TRAPPC3L: variants seen among roughly 807,000 people sequenced by gnomAD.
TRAPPC3L encodes trafficking protein particle complex subunit 3L, also known as trafficking protein particle complex subunit 3-like protein.
Under a neutral mutation model 23.7 loss-of-function variants are expected in TRAPPC3L, and 23 were observed. The ratio of observed to expected loss-of-function variants is 0.97; its 90% CI spans 0.70 to 1.37. The LOEUF is 1.37. Ranked by LOEUF, TRAPPC3L falls within the 40% of genes most tolerant of loss-of-function variation. The pLI is 0.00. For synonymous variants in TRAPPC3L, 81 were observed against 77.9 expected, an observed-to-expected ratio of 1.04 and a Z score of -0.21; for missense variants, 212 against 216.8, an observed-to-expected ratio of 0.98 and a Z score of 0.14.
At chr6:116,498,098 T>C (rs115756148) in intron 4 of TRAPPC3L, among the ~76,000 whole-genome samples, 66 of 152,338 alleles carry the variant, frequency 4.3e-4, no homozygotes, top group African/African-American at 1.5e-3. Context: ...TAAGTCTTTG[T>C]CAAAATTTAA....
chr6:116,502,900 G>T (rs932280103), intron 3 of TRAPPC3L, among the ~76,000 whole-genome samples: 1 of 152,120 alleles, frequency 6.6e-6, no homozygotes, highest in Non-Finnish European at 1.5e-5. Context: ...AGGAACAACC[G>T]ATACCAGCCA....
chr6:116,507,475 G>A (rs980509747), intron 3 of TRAPPC3L, among the ~76,000 whole-genome samples: 1 of 152,164 alleles, frequency 6.6e-6, no homozygotes, highest in Non-Finnish European at 1.5e-5. Context: ...TCTGAGCAGT[G>A]TGATGAAACC....
intron 4 of TRAPPC3L, among the ~76,000 whole-genome samples, chr6:116,497,638 C>T (rs541900146): frequency 6.6e-6 from 1 of 152,074 alleles, no homozygotes; most frequent in South Asian, 2.1e-4. Context: ...GATACTCAGG[C>T]CTTCTTTTTC....
chr6:116,512,224 G>A, intron 3 of TRAPPC3L: 1 of 1,597,318 alleles, frequency 6.3e-7, no homozygotes, highest in Non-Finnish European at 8.5e-7. Flanking sequence ...TCTCCCTTCA[G>A]GCCCAGTCTC....
Position 116,529,747 on chromosome 6 carries a change from G to T in TRAPPC3L, c.240+10616C>A, listed in dbSNP as rs77491708. Among the ~76,000 whole-genome samples, 768 of 152,306 alleles carry T rather than the reference G, an allele frequency of 5.0e-3. 8 individuals are homozygous for T. Among genetic ancestry groups the T allele is most frequent in the African/African-American group, 0.016 (656 of 41,558 alleles). ...TTGAGAGGACCATCAGCAAAAATCA[G>T]TCTCCACAATATCAGTGAGAGATTT... On this transcript the variant is annotated intron_variant, in intron 3 of 4. Transcript: ENST00000368602.
chr6:116,545,361 G>A, intron 1 of TRAPPC3L, 112 bp downstream of exon 1: 1 of 820,018 alleles, frequency 1.2e-6, no homozygotes, highest in Non-Finnish European at 1.9e-6. Context: ...GCTGAACACT[G>A]TCTTTCCTCC....
rs920621535 is a variant in TRAPPC3L at position 116,496,660 on chromosome 6, T to C, written c.*294A>G. ...TTTTTTTCCCATTACCATACGTGAA[T>C]GGAATGAACAGCTTCTCTGAGGATG... On this transcript the variant is annotated 3_prime_UTR_variant, in exon 5 of 5. Coordinates refer to ENST00000368602, the MANE Select transcript of TRAPPC3L (RefSeq NM_001139444.3). The C allele has an allele frequency of 3.7e-6, 1 of 266,722 alleles. No individual in the cohort carries two copies. 16.5% of individuals were successfully genotyped at this position (266,722 alleles called of 1,614,324 possible). A position where few individuals can be genotyped will look rare whatever the true frequency, so the allele number is the denominator to read the frequency against.
intron 3 of TRAPPC3L, chr6:116,517,877 T>G (rs948102887): frequency 6.6e-6 from 1 of 152,120 alleles, no homozygotes; most frequent in Admixed American, 6.5e-5. Flanking sequence ...GATAATGATT[T>G]AATCAATCAT....
intron 2 of TRAPPC3L, among the ~76,000 whole-genome samples, chr6:116,541,682 T>A (rs773790725): frequency 7.2e-5 from 11 of 152,190 alleles, no homozygotes; most frequent in Non-Finnish European, 1.5e-4. Flanking sequence ...CTTTTAACAA[T>A]CAAAATGTCT....
At chr6:116,544,828 A>G (rs529507911) in intron 1 of TRAPPC3L, among the ~76,000 whole-genome samples, 92 of 152,236 alleles carry the variant, frequency 6.0e-4, no homozygotes, top group African/African-American at 2.2e-3. Flanking sequence ...AATGCCCATC[A>G]GTCTCCTGAC....
chr6:116,526,276 T>C (rs932680282), intron 3 of TRAPPC3L, among the ~76,000 whole-genome samples: 2 of 152,242 alleles, frequency 1.3e-5, no homozygotes, highest in Non-Finnish European at 1.5e-5. Context: ...GGATTTTTAT[T>C]TTATTTGAAG....
chr6:116,500,437 G>C, intron 4 of TRAPPC3L, 44 bp downstream of exon 4: 1 of 1,475,584 alleles, frequency 6.8e-7, no homozygotes, highest in Non-Finnish European at 9.2e-7. Flanking sequence ...AGCCTTAGAA[G>C]GACTAAGAGA....
Position 116,540,348 on chromosome 6 carries a change from T to A in TRAPPC3L, c.240+15A>T, listed in dbSNP as rs570473457. On this transcript the variant is annotated intron_variant, in intron 3 of 4. Coordinates refer to ENST00000368602, the MANE Select transcript of TRAPPC3L (RefSeq NM_001139444.3). ...ATTTTTCAAAACATATTGACAGAGA[T>A]AAAAACATAGTTACCTGGGCAATTA... 1 of 1,548,986 alleles carries A rather than the reference T, an allele frequency of 6.5e-7. No individual in the cohort carries two copies. The highest frequency in any genetic ancestry group is 2.4e-5 in the East Asian group (1 of 40,902).
At chr6:116,512,068 C>G (rs1466180948) in intron 3 of TRAPPC3L, 2 of 1,614,026 alleles carry the variant, frequency 1.2e-6, no homozygotes. Context: ...ATGGAACTTT[C>G]TATGAATGTG....
intron 3 of TRAPPC3L, chr6:116,512,278 C>T: frequency 1.3e-6 from 2 of 1,550,548 alleles, no homozygotes; most frequent in Non-Finnish European, 1.7e-6. Context: ...AGCATGAGCT[C>T]GAAGTATTCT....
intron 3 of TRAPPC3L, among the ~76,000 whole-genome samples, chr6:116,526,915 C>T (rs1161392360): frequency 6.6e-6 from 1 of 152,118 alleles, no homozygotes; most frequent in East Asian, 1.9e-4. Flanking sequence ...CTTTGACATA[C>T]ATATTCATTA....
intron 3 of TRAPPC3L, among the ~76,000 whole-genome samples, chr6:116,531,422 G>A (rs923284054): frequency 6.6e-6 from 1 of 152,082 alleles, no homozygotes; most frequent in Non-Finnish European, 1.5e-5. Context: ...AATTATAAGA[G>A]CAGAACAAGC....
chr6:116,530,497 G>T (rs12663689), intron 3 of TRAPPC3L, among the ~76,000 whole-genome samples: 10,680 of 152,154 alleles, frequency 0.07, 439 homozygotes, highest in Admixed American at 0.14. Flanking sequence ...GAAGTTCAAA[G>T]GGAAACCTAA....
chr6:116,527,519 C>CAAAAAAAAAAAAAA (rs34686241), intron 3 of TRAPPC3L, among the ~76,000 whole-genome samples: 1 of 112,372 alleles, frequency 8.9e-6, no homozygotes. Flanking sequence ...CGTCTCAAAA[C>CAAAAAAAAAAAAAA]AAAAAAAAAA....
Sources: gnomAD v4.1 joint callset for allele counts (sites outside exome capture counted in the v4.1 genomes callset) on GRCh38, gnomAD v4.1.1 for gene constraint, MANE v1.5 for transcripts, NCBI Gene and HGNC (gene_info 2026-07-23, HGNC 2026-07-21) for gene names.